ENTREP2: variants seen among roughly 807,000 people sequenced by gnomAD.
ENTREP2 encodes the protein endosomal transmembrane epsin interactor 2.
chr15:29,317,326 C>T, the ENTREP2 span, among the ~76,000 whole-genome samples: 2 of 152,194 alleles, frequency 1.3e-5, no homozygotes, highest in African/African-American at 4.8e-5. Context: ...ATTCTGCCTA[C>T]TGTTTCATAA....
chr15:29,531,054 C>T, the ENTREP2 span, among the ~76,000 whole-genome samples: 1 of 152,354 alleles, frequency 6.6e-6, no homozygotes, highest in Admixed American at 6.5e-5. Flanking sequence ...CCCTCAGTGG[C>T]TCTGGCCACA....
chr15:29,588,503 A>T, the ENTREP2 span, among the ~76,000 whole-genome samples: 2 of 131,280 alleles, frequency 1.5e-5, no homozygotes, highest in East Asian at 2.7e-4. Flanking sequence ...AGAGAGAGAG[A>T]GAGAGGGAGG....
At chr15:29,406,315 G>A in the ENTREP2 span, among the ~76,000 whole-genome samples, 1 of 152,228 alleles carries the variant, frequency 6.6e-6, no homozygotes, top group Non-Finnish European at 1.5e-5. Context: ...GGGAGGCCAA[G>A]GCGGGTGGAT....
the ENTREP2 span, among the ~76,000 whole-genome samples, chr15:29,224,013 G>A: frequency 6.6e-6 from 1 of 152,164 alleles, no homozygotes; most frequent in East Asian, 1.9e-4. Flanking sequence ...TGGGTTCTTG[G>A]TCGCACTGAC....
At chr15:29,532,733 A>T in the ENTREP2 span, among the ~76,000 whole-genome samples, 6 of 152,250 alleles carry the variant, frequency 3.9e-5, no homozygotes, top group African/African-American at 7.2e-5. Context: ...TGATTTTAAC[A>T]CAAAAAGGAG....
chr15:29,361,554 C>T, the ENTREP2 span, among the ~76,000 whole-genome samples: 1 of 152,150 alleles, frequency 6.6e-6, no homozygotes, highest in Non-Finnish European at 1.5e-5. Flanking sequence ...CATATCATAA[C>T]CTCACCTAGA....
the ENTREP2 span, among the ~76,000 whole-genome samples, chr15:29,521,710 G>A: frequency 6.6e-6 from 1 of 152,140 alleles, no homozygotes; most frequent in Non-Finnish European, 1.5e-5. Flanking sequence ...CAATTCAGGG[G>A]CCTCTCCTGA....
chr15:29,161,830 T>C, the ENTREP2 span, among the ~76,000 whole-genome samples: 2 of 152,124 alleles, frequency 1.3e-5, no homozygotes, highest in African/African-American at 4.8e-5. Context: ...CAGGACTAGA[T>C]TGCAGCTCTG....
the ENTREP2 span, among the ~76,000 whole-genome samples, chr15:29,135,705 T>C: frequency 0.014 from 2,097 of 152,302 alleles, 46 homozygotes; most frequent in African/African-American, 0.048. The surrounding 1 kb of genome is among the most constrained non-coding windows in gnomAD (Gnocchi z 7.4). Context: ...ACATACTGCC[T>C]GTCACGTGTC....
the ENTREP2 span, among the ~76,000 whole-genome samples, chr15:29,341,677 G>A: frequency 7.9e-5 from 12 of 152,130 alleles, no homozygotes; most frequent in Non-Finnish European, 1.2e-4. Context: ...GTCAAGCGCC[G>A]TGGAAGGGAA....
the ENTREP2 span, among the ~76,000 whole-genome samples, chr15:29,588,294 T>G: frequency 6.6e-6 from 1 of 152,012 alleles, no homozygotes; most frequent in Non-Finnish European, 1.5e-5. Flanking sequence ...CCTCGGCACT[T>G]CAGCCTGTAA....
chr15:29,395,991 G>A, the ENTREP2 span, among the ~76,000 whole-genome samples: 1 of 152,044 alleles, frequency 6.6e-6, no homozygotes, highest in Non-Finnish European at 1.5e-5. Flanking sequence ...AGGTATGACT[G>A]ACAAATAAAA....
At chr15:29,524,543 C>T in the ENTREP2 span, among the ~76,000 whole-genome samples, 1 of 152,168 alleles carries the variant, frequency 6.6e-6, no homozygotes, top group Admixed American at 6.5e-5. Context: ...TTTTATAGCT[C>T]TATTAGAAGC....
chr15:29,446,593 CT>C, the ENTREP2 span, among the ~76,000 whole-genome samples: 1 of 152,044 alleles, frequency 6.6e-6, no homozygotes, highest in Non-Finnish European at 1.5e-5. Flanking sequence ...GAGATCATGG[CT>C]TTTTCTTGAT....
chr15:29,614,669 T>C, the ENTREP2 span, among the ~76,000 whole-genome samples: 1 of 152,174 alleles, frequency 6.6e-6, no homozygotes, highest in East Asian at 1.9e-4. Flanking sequence ...AGATCCCATT[T>C]AGAACCAACC....
chr15:29,141,092 A>T, the ENTREP2 span, among the ~76,000 whole-genome samples: 1 of 152,184 alleles, frequency 6.6e-6, no homozygotes, highest in Admixed American at 6.5e-5. Context: ...CGTGGAAGTG[A>T]TGGAGGATGA....
chr15:29,182,648 G>GAGAA, the ENTREP2 span, among the ~76,000 whole-genome samples: 1 of 151,716 alleles, frequency 6.6e-6, no homozygotes, highest in East Asian at 1.9e-4. Context: ...GTGTATATAT[G>GAGAA]AGAAAGAAAG....
At chr15:29,469,798 C>T in the ENTREP2 span, among the ~76,000 whole-genome samples, 2 of 152,084 alleles carry the variant, frequency 1.3e-5, no homozygotes, top group African/African-American at 4.8e-5. Flanking sequence ...AAAAGCCTCC[C>T]TTCCAGCTCC....
the ENTREP2 span, among the ~76,000 whole-genome samples, chr15:29,577,241 C>A: frequency 6.6e-6 from 1 of 151,512 alleles, no homozygotes; most frequent in African/African-American, 2.4e-5. Flanking sequence ...GGCATGGTGA[C>A]CCCTCAAAAA....
Sources: allele counts gnomAD v4.1 joint callset (sites outside exome capture counted in the v4.1 genomes callset), GRCh38; gene constraint gnomAD v4.1.1; non-coding constraint Gnocchi (gnomAD v3.1); transcripts MANE v1.5; gene names NCBI Gene and HGNC (gene_info 2026-07-23, HGNC 2026-07-21).